The following MAP3K7 variants were observed in gnomAD, a reference collection of about 807,000 sequenced individuals.
The protein encoded by MAP3K7 is mitogen-activated protein kinase kinase kinase 7, also known as TGF-beta activated kinase 1.
A neutral mutation model predicts 84.8 loss-of-function variants in MAP3K7; 21 were observed. The ratio of observed to expected loss-of-function variants is 0.25; its 90% CI spans 0.18 to 0.36. The LOEUF (loss-of-function observed/expected upper bound fraction) is 0.36. Among genes scored for constraint, MAP3K7 ranks in the 10% least tolerant of loss-of-function variants. The pLI is 1.00. For missense variants in MAP3K7, 503 were observed against 747.7 expected (o/e 0.67, Z 3.82); for synonymous variants, 241 against 247.7 (o/e 0.97, Z 0.25).
chr6:90,556,752 A>C, intron 5 of MAP3K7, 128 bp from the exon 6 acceptor site: 1 of 908,130 alleles, frequency 1.1e-6, no homozygotes, highest in Non-Finnish European at 1.6e-6. Flanking sequence ...ACTTCTGTGA[A>C]ATGACTAATT....
chr6:90,525,951 T>G (rs1775308580), intron 13 of MAP3K7, among the ~76,000 whole-genome samples: 1 of 152,090 alleles, frequency 6.6e-6, no homozygotes, highest in Admixed American at 6.5e-5. Flanking sequence ...TGGGCTCAAG[T>G]GATCCTCCTT....
At chr6:90,523,655 G>C (rs759941079) in intron 14 of MAP3K7, 23 bp downstream of exon 14, 1 of 1,474,528 alleles carries the variant, frequency 6.8e-7, no homozygotes, top group Admixed American at 1.7e-5. Flanking sequence ...AACTTCATAA[G>C]TATGAAGAAA....
intron 12 of MAP3K7, among the ~76,000 whole-genome samples, chr6:90,538,572 A>C (rs1775751022): frequency 6.6e-6 from 1 of 151,946 alleles, no homozygotes; most frequent in South Asian, 2.1e-4. Flanking sequence ...GTCTTATAAT[A>C]GAGAACAAAT....
intron 6 of MAP3K7, among the ~76,000 whole-genome samples, chr6:90,554,763 T>C (rs879339363): frequency 6.6e-6 from 1 of 152,264 alleles, no homozygotes; most frequent in African/African-American, 2.4e-5. Flanking sequence ...CATAAAGGTA[T>C]ATTAAATAAG....
chr6:90,567,198 C>T (rs1195884683), intron 3 of MAP3K7, among the ~76,000 whole-genome samples: 2 of 152,064 alleles, frequency 1.3e-5, no homozygotes, highest in Admixed American at 1.3e-4. Flanking sequence ...GCAACAAAAG[C>T]CAAAATTGAC....
rs1378060659 is a variant in MAP3K7 at position 90,514,476 on chromosome 6, TCTA to T, written c.*2022_*2024del. ...CTTGCATTTGGTACCATGACTAAAATCTACTATTTTCTTCCATTTACCTATCTG... is the reference window on the plus strand; with the variant it reads ...CTTGCATTTGGTACCATGACTAAAATCTATTTTCTTCCATTTACCTATCTG... On this transcript the variant is annotated 3_prime_UTR_variant, in exon 17 of 17. Coordinates refer to ENST00000369329, the MANE Select transcript of MAP3K7 (RefSeq NM_145331.3). 1.3e-5 allele frequency: 2 copies of T among 152,030 alleles called. No individual in the cohort carries two copies. Among genetic ancestry groups the T allele is most frequent in the East Asian group, 1.9e-4 (1 of 5,194 alleles). 9.4% of individuals were successfully genotyped at this position (152,030 alleles called of 1,614,324 possible). A position where few individuals can be genotyped will look rare whatever the true frequency, so the allele number is the denominator to read the frequency against.
chr6:90,542,460 C>G, intron 12 of MAP3K7: 2 of 985,092 alleles, frequency 2.0e-6, no homozygotes, highest in Non-Finnish European at 2.4e-6. Flanking sequence ...TTAAGGTTAC[C>G]TGATTCCATA....
chr6:90,555,974 C>A (rs1776324831), intron 6 of MAP3K7, among the ~76,000 whole-genome samples: 1 of 152,114 alleles, frequency 6.6e-6, no homozygotes, highest in African/African-American at 2.4e-5. Flanking sequence ...GCTTGAGGGC[C>A]ATTTTAAGTA....
intron 3 of MAP3K7, among the ~76,000 whole-genome samples, chr6:90,563,771 T>C (rs1197666442): frequency 6.6e-6 from 1 of 152,134 alleles, no homozygotes; most frequent in African/African-American, 2.4e-5. Context: ...AATCGTCAGA[T>C]TCACCAAAGT....
chr6:90,531,632 T>C (rs555325296), intron 13 of MAP3K7, among the ~76,000 whole-genome samples: 1 of 152,254 alleles, frequency 6.6e-6, no homozygotes, highest in South Asian at 2.1e-4. Context: ...TATTCTTACA[T>C]GGTCTTCTAC....
intron 13 of MAP3K7, among the ~76,000 whole-genome samples, chr6:90,531,081 A>G (rs1426857607): frequency 6.6e-6 from 1 of 152,178 alleles, no homozygotes; most frequent in African/African-American, 2.4e-5. Flanking sequence ...TGACACAGCA[A>G]TTTAAGGCAG....
At chr6:90,547,496 T>C in intron 10 of MAP3K7, 109 bp from the exon 11 acceptor site, 2 of 1,243,432 alleles carry the variant, frequency 1.6e-6, no homozygotes, top group Non-Finnish European at 2.2e-6. Context: ...GATCCTGTTC[T>C]GCTCTGAAAG....
chr6:90,574,438 A>C (rs1339282044), intron 1 of MAP3K7, among the ~76,000 whole-genome samples: 1 of 152,148 alleles, frequency 6.6e-6, no homozygotes, highest in Non-Finnish European at 1.5e-5. Context: ...GCAATTAACT[A>C]AGATGAATAG....
At chr6:90,542,278 T>A (rs1056951655) in intron 12 of MAP3K7, 1 of 983,918 alleles carries the variant, frequency 1.0e-6, no homozygotes, top group Non-Finnish European at 1.2e-6. Flanking sequence ...TTGGCTTTTA[T>A]GTCCACTAGT....
chr6:90,557,476 C>A (rs1776372759), intron 5 of MAP3K7, among the ~76,000 whole-genome samples: 1 of 152,138 alleles, frequency 6.6e-6, no homozygotes, highest in Admixed American at 6.5e-5. Flanking sequence ...AGATAAACTA[C>A]TATTCACAGT....
intron 14 of MAP3K7, among the ~76,000 whole-genome samples, chr6:90,519,971 T>TG (rs1775094541): frequency 6.6e-6 from 1 of 152,014 alleles, no homozygotes; most frequent in Non-Finnish European, 1.5e-5. Context: ...TTAAGTTGAT[T>TG]AATTCAAACA....
At chr6:90,571,277 T>C (rs903519195) in intron 2 of MAP3K7, among the ~76,000 whole-genome samples, 7 of 152,094 alleles carry the variant, frequency 4.6e-5, no homozygotes, top group Admixed American at 3.9e-4. Context: ...TCATGCTAAA[T>C]GAGAAAAATC....
chr6:90,571,082 C>G lies in MAP3K7; in HGVS notation c.231+615G>C, dbSNP rs184424640. Among the ~76,000 whole-genome samples the G allele has an allele frequency of 4.9e-3, 752 of 152,018 alleles. 22 individuals are homozygous for G. Among genetic ancestry groups the G allele is most frequent in the Admixed American group, 0.045 (695 of 15,280 alleles). On this transcript the variant is annotated intron_variant, in intron 2 of 16. Coordinates refer to ENST00000369329, the MANE Select transcript of MAP3K7 (RefSeq NM_145331.3). ...TTCAGAAGGCTTATAAGGTACAGGC[C>G]ACTTATCCATTGGCCAATGAGGTTT...
chr6:90,580,493 A>G (rs1445351032), intron 1 of MAP3K7, among the ~76,000 whole-genome samples: 1 of 152,106 alleles, frequency 6.6e-6, no homozygotes, highest in Admixed American at 6.5e-5. Context: ...TTGTTTTTTA[A>G]AATTTTTTAT....
Sources: allele counts gnomAD v4.1 joint callset (sites outside exome capture counted in the v4.1 genomes callset), GRCh38; gene constraint gnomAD v4.1.1; transcripts MANE v1.5; gene names NCBI Gene and HGNC (gene_info 2026-07-23, HGNC 2026-07-21).